The following SIMC1 variants were observed in gnomAD, a reference collection of about 807,000 sequenced individuals.
The protein encoded by SIMC1 is SUMO interacting motifs containing 1.
SIMC1 carries 55 observed loss-of-function variants against 82.3 expected under a neutral mutation model. That is an observed-to-expected ratio of 0.67 (90% CI 0.54 to 0.84). The LOEUF is 0.84. Ranked by LOEUF, SIMC1 falls within the 40% of genes least tolerant of loss-of-function variation. SIMC1 has a pLI of 0.00. For missense variants in SIMC1, 915 were observed against 1,107.2 expected (o/e 0.83, Z 2.46); for synonymous variants, 353 against 426.3 (o/e 0.83, Z 2.12).
chr5:176,265,901 AAG>A (rs1330429286), intron 1 of SIMC1, among the ~76,000 whole-genome samples: 2 of 152,140 alleles, frequency 1.3e-5, no homozygotes, highest in Admixed American at 6.6e-5. Context: ...AGGATACAAA[AAG>A]AGGTTATTCT....
intron 2 of SIMC1, among the ~76,000 whole-genome samples, chr5:176,293,475 G>A (rs1452369953): frequency 6.6e-6 from 1 of 151,308 alleles, no homozygotes; most frequent in African/African-American, 2.4e-5. Flanking sequence ...AGACATGATG[G>A]CTCACACCTA....
At chr5:176,318,992 C>T (rs1390607936) in intron 5 of SIMC1, among the ~76,000 whole-genome samples, 1 of 152,172 alleles carries the variant, frequency 6.6e-6, no homozygotes, top group Non-Finnish European at 1.5e-5. Flanking sequence ...ACCTGTGGTC[C>T]CAGCTACTCG....
At chr5:176,252,954 G>A (rs1414887405) in intron 1 of SIMC1, among the ~76,000 whole-genome samples, 3 of 152,316 alleles carry the variant, frequency 2.0e-5, no homozygotes, top group East Asian at 1.9e-4. Context: ...CCTGGCCCAC[G>A]CTGCGAAACC....
At chr5:176,314,331 T>G (rs1171347124) in intron 5 of SIMC1, among the ~76,000 whole-genome samples, 3 of 152,162 alleles carry the variant, frequency 2.0e-5, no homozygotes, top group Non-Finnish European at 4.4e-5. Context: ...CTGATAATCA[T>G]AAAAGAAACC....
chr5:176,321,277 C>T (rs575204405), intron 5 of SIMC1, among the ~76,000 whole-genome samples: 2 of 151,916 alleles, frequency 1.3e-5, no homozygotes, highest in African/African-American at 4.8e-5. Flanking sequence ...ATATTGTTGC[C>T]TGTCACTGTA....
At chr5:176,314,346 A>G (rs1445025500) in intron 5 of SIMC1, among the ~76,000 whole-genome samples, 2 of 152,168 alleles carry the variant, frequency 1.3e-5, no homozygotes, top group Admixed American at 6.5e-5. Flanking sequence ...GAAACCAACA[A>G]TGTGGCAGGC....
chr5:176,292,886 A>T (rs1287838279), intron 2 of SIMC1, among the ~76,000 whole-genome samples: 17 of 152,138 alleles, frequency 1.1e-4, no homozygotes. Context: ...TTTCCTTCCC[A>T]GTTGCCTTTT....
chr5:176,293,799 T>C (rs1763685309), intron 2 of SIMC1, among the ~76,000 whole-genome samples: 1 of 151,832 alleles, frequency 6.6e-6, no homozygotes, highest in South Asian at 2.1e-4. Context: ...TAAACCCTCA[T>C]ATCAAACTTT....
chr5:176,281,445 G>A lies in SIMC1; in HGVS notation c.130-8209G>A, dbSNP rs372469127. Among the ~76,000 whole-genome samples, 63 of 152,212 alleles carry A rather than the reference G, an allele frequency of 4.1e-4. No homozygotes were observed. The East Asian group carries it at 4.2e-3, about 10-fold the overall frequency. ...TCTCAACTCGTCAAAGTCATTCTCC[G>A]TCCAGCTTTGTTCCATTGCTGGTGA... On this transcript the variant is annotated intron_variant, in intron 1 of 9. Coordinates refer to ENST00000429602, the MANE Select transcript of SIMC1 (RefSeq NM_001308195.2).
chr5:176,322,090 T>C (rs1340255204), intron 5 of SIMC1, among the ~76,000 whole-genome samples, 183 bp from the exon 6 acceptor site: 4 of 152,064 alleles, frequency 2.6e-5, no homozygotes, highest in Admixed American at 6.6e-5. Flanking sequence ...TGTTTAATTA[T>C]TGAAAATAGC....
intron 1 of SIMC1, among the ~76,000 whole-genome samples, chr5:176,282,048 G>T (rs1763033509): frequency 6.6e-6 from 1 of 152,270 alleles, no homozygotes; most frequent in Non-Finnish European, 1.5e-5. Context: ...AGCCTACAGA[G>T]GCAGGCAGGC....
In SIMC1 at chr5:176,289,699, C is replaced by G. The variant is rs1234963276; in HGVS notation, c.175C>G (p.Arg59Gly). Residue 59 changes from arginine (R) to glycine (G), a missense_variant, in exon 2 of 10, where the codon CGC becomes GGC. By Grantham distance (125) the Arg-to-Gly change is moderately radical. This residue lies in a region of SIMC1 where 902 missense variants were observed against 1,040.3 expected (regional missense o/e 0.87). Transcript: ENST00000429602. Reference sequence around the variant, plus strand: ...AGAGACCAGACCAAGGACAAAAGATCGCAGTGGACTGTATGTGATTGACCT... The same window carrying G: ...AGAGACCAGACCAAGGACAAAAGATGGCAGTGGACTGTATGTGATTGACCT... ...TRETRPRTKD[R>G]SGLYVIDLTR... 1.2e-6 allele frequency: 2 copies of G among 1,611,588 alleles called. No individual in the cohort carries two copies. The highest frequency in any genetic ancestry group is 1.7e-5 in the Admixed American group (1 of 59,518).
At chr5:176,274,714 T>C (rs1762603690) in intron 1 of SIMC1, among the ~76,000 whole-genome samples, 1 of 151,862 alleles carries the variant, frequency 6.6e-6, no homozygotes, top group Non-Finnish European at 1.5e-5. Context: ...AGTTTCAGCT[T>C]TCTACATATG....
chr5:176,297,849 G>T (rs1346627913), intron 4 of SIMC1, among the ~76,000 whole-genome samples: 4 of 152,140 alleles, frequency 2.6e-5, no homozygotes, highest in African/African-American at 9.7e-5. Flanking sequence ...CAAAAAAAGG[G>T]GGGAGGCATG....
chr5:176,263,326 T>C, intron 1 of SIMC1: 1 of 883,746 alleles, frequency 1.1e-6, no homozygotes, highest in Non-Finnish European at 1.7e-6. Context: ...TCAGAATAGC[T>C]GTCTTAGTTC....
intron 1 of SIMC1, among the ~76,000 whole-genome samples, chr5:176,264,346 C>G (rs1295737155): frequency 6.6e-6 from 1 of 152,278 alleles, no homozygotes; most frequent in Admixed American, 6.5e-5. Flanking sequence ...GGGCTCTGCC[C>G]CTGTGGCAGG....
intron 1 of SIMC1, among the ~76,000 whole-genome samples, chr5:176,282,216 G>A (rs138512207): frequency 0.021 from 3,204 of 152,336 alleles, 49 homozygotes; most frequent in Middle Eastern, 0.068. Context: ...AGACTCCATG[G>A]GCGTAGGACC....
chr5:176,324,481 G>C (rs1259140633), intron 6 of SIMC1, 148 bp from the exon 7 acceptor site: 1 of 681,124 alleles, frequency 1.5e-6, no homozygotes. Flanking sequence ...CTGATGGTTT[G>C]AGTAGTTCTC....
chr5:176,259,739 C>T (rs866078280), intron 1 of SIMC1, among the ~76,000 whole-genome samples: 1 of 151,302 alleles, frequency 6.6e-6, no homozygotes. Context: ...TGCCACTGCA[C>T]TCCAGCCTGG....
Sources: gnomAD v4.1 joint callset for allele counts (sites outside exome capture counted in the v4.1 genomes callset) on GRCh38, gnomAD v4.1.1 for gene constraint, gnomAD v4.1.1 regional missense constraint, MANE v1.5 for transcripts, NCBI Gene and HGNC (gene_info 2026-07-23, HGNC 2026-07-21) for gene names.